NAV2: variants seen among roughly 807,000 people sequenced by gnomAD.
The protein encoded by NAV2 is helicase, APC down-regulated 1.
In NAV2, 54 loss-of-function variants were observed where a neutral mutation model predicts 223.2. The ratio of observed to expected loss-of-function variants is 0.24; its 90% confidence interval spans 0.19 to 0.30. The LOEUF is 0.30. Ranked by LOEUF, NAV2 falls within the 10% of genes least tolerant of loss-of-function variation. The pLI is 1.00. For missense variants in NAV2, 2,806 were observed against 3,147.5 expected, an observed-to-expected ratio of 0.89 and a Z score of 2.60; for synonymous variants, 1,279 against 1,239.3, an observed-to-expected ratio of 1.03 and a Z score of -0.67.
At chr11:19,846,497 C>T (rs573303623) in intron 3 of NAV2, among the ~76,000 whole-genome samples, 2 of 152,150 alleles carry the variant, frequency 1.3e-5, no homozygotes, top group Non-Finnish European at 2.9e-5. Flanking sequence ...GGAAAAAATT[C>T]GAGGTCATCA....
At chr11:19,827,006 T>C (rs536134230) in intron 1 of NAV2, among the ~76,000 whole-genome samples, 62 of 152,104 alleles carry the variant, frequency 4.1e-4, no homozygotes, top group Non-Finnish European at 8.1e-4. Flanking sequence ...ATCTGCTATA[T>C]CACAGGCTGC....
At chr11:19,526,727 C>T (rs1213997160) in intron 1 of NAV2, among the ~76,000 whole-genome samples, 1 of 152,192 alleles carries the variant, frequency 6.6e-6, no homozygotes, top group Non-Finnish European at 1.5e-5. Flanking sequence ...GCTGATTGCA[C>T]TTGATCATGA....
At chr11:19,646,133 G>A (rs1046092685) in intron 1 of NAV2, among the ~76,000 whole-genome samples, 3 of 152,198 alleles carry the variant, frequency 2.0e-5, no homozygotes, top group African/African-American at 7.2e-5. Flanking sequence ...TTTGCAAATG[G>A]GGTTGAATGA....
At chr11:20,106,195 A>ATGTGTGTGTGTGTGTG (rs1592179575) in intron 35 of NAV2, among the ~76,000 whole-genome samples, 3 of 22,160 alleles carry the variant, frequency 1.4e-4, no homozygotes, top group Admixed American at 4.4e-4. Context: ...ATATATATAT[A>ATGTGTGTGTGTGTGTG]TATATATATA....
chr11:19,457,333 G>T (rs1209137671), intron 1 of NAV2, among the ~76,000 whole-genome samples: 1 of 152,208 alleles, frequency 6.6e-6, no homozygotes, highest in Non-Finnish European at 1.5e-5. Flanking sequence ...TCTCTAACAA[G>T]GTAGCTTGTA....
At chr11:19,586,445 G>A (rs1464281653) in intron 1 of NAV2, among the ~76,000 whole-genome samples, 2 of 152,200 alleles carry the variant, frequency 1.3e-5, no homozygotes, top group Non-Finnish European at 2.9e-5. Flanking sequence ...TTTGTAGGAG[G>A]AGAGGTGCTC....
chr11:20,103,169 C>T (rs1004874285), intron 32 of NAV2, 86 bp from the exon 33 acceptor site: 6 of 1,356,800 alleles, frequency 4.4e-6, no homozygotes, highest in Non-Finnish European at 6.1e-6. Context: ...CTCCACTGGC[C>T]TGGGTGAGGC....
intron 1 of NAV2, among the ~76,000 whole-genome samples, chr11:19,806,640 G>A (rs1046264057): frequency 3.3e-5 from 5 of 152,176 alleles, no homozygotes; most frequent in African/African-American, 9.7e-5. Context: ...TTATTTTAAA[G>A]TGGAGATTCA....
intron 1 of NAV2, among the ~76,000 whole-genome samples, chr11:19,544,210 T>C (rs1304757851): frequency 6.6e-6 from 1 of 152,166 alleles, no homozygotes; most frequent in Non-Finnish European, 1.5e-5. Context: ...CAAAACCGAG[T>C]GATTGAAGGA....
At chr11:19,578,230 G>A (rs2045622417) in intron 1 of NAV2, among the ~76,000 whole-genome samples, 1 of 152,232 alleles carries the variant, frequency 6.6e-6, no homozygotes, top group Non-Finnish European at 1.5e-5. Flanking sequence ...TTTACAAGCT[G>A]AGATTTTCAT....
At chr11:19,350,320 A>G (rs939243116), upstream of NAV2, among the ~76,000 whole-genome samples, 2 of 152,096 alleles carry the variant, frequency 1.3e-5, no homozygotes, top group African/African-American at 4.8e-5. Context: ...GACAGCTCAA[A>G]TCTGTACTTT....
At chr11:19,413,829 C>G (rs1156524619) in intron 1 of NAV2, among the ~76,000 whole-genome samples, 1 of 152,076 alleles carries the variant, frequency 6.6e-6, no homozygotes, top group Non-Finnish European at 1.5e-5. Flanking sequence ...CAAACTAAGC[C>G]TCACAAGCGA....
chr11:19,773,654 T>C (rs2055898650), intron 1 of NAV2, among the ~76,000 whole-genome samples: 1 of 152,110 alleles, frequency 6.6e-6, no homozygotes, highest in African/African-American at 2.4e-5. Context: ...AGGGGTTTGG[T>C]GGATGAGGAG....
At chr11:20,050,120 T>C (rs2057833375) in intron 16 of NAV2, among the ~76,000 whole-genome samples, 1 of 152,172 alleles carries the variant, frequency 6.6e-6, no homozygotes, top group African/African-American at 2.4e-5. Context: ...TTCATTCCCA[T>C]TTTGGGAAGG....
intron 1 of NAV2, among the ~76,000 whole-genome samples, chr11:19,377,556 T>G (rs1848682443): frequency 6.6e-6 from 1 of 152,230 alleles, no homozygotes; most frequent in Non-Finnish European, 1.5e-5. Context: ...CTGCAATTCT[T>G]ATTTCCATAT....
chr11:19,541,491 C>A (rs1223401773), intron 1 of NAV2, among the ~76,000 whole-genome samples: 5 of 152,194 alleles, frequency 3.3e-5, no homozygotes, highest in Non-Finnish European at 7.3e-5. Context: ...CGATGGTTGG[C>A]AAATGACAAC....
intron 8 of NAV2, among the ~76,000 whole-genome samples, chr11:19,942,973 A>G (rs528465358): frequency 1.3e-5 from 2 of 152,238 alleles, no homozygotes; most frequent in South Asian, 4.2e-4. Context: ...ACAGAGCAAG[A>G]CCCTGTCTCT....
intron 1 of NAV2, among the ~76,000 whole-genome samples, chr11:19,397,418 T>TGC (rs144750630): frequency 2.8e-4 from 40 of 145,296 alleles, no homozygotes; most frequent in Admixed American, 6.2e-4. Flanking sequence ...TGTGTGTGTG[T>TGC]GCGCGCATGT....
chr11:19,627,328 G>T lies in NAV2; in HGVS notation c.76-205156G>T, dbSNP rs909563871. On this transcript the variant is annotated intron_variant, in intron 1 of 37. Coordinates refer to the NAV2 transcript ENST00000360655. ...TGCTTGAACCCAGGAGGCAGAGATTGTGGTGAGCCAAGATCACACCACTGC... is the reference window on the plus strand; with the variant it reads ...TGCTTGAACCCAGGAGGCAGAGATTTTGGTGAGCCAAGATCACACCACTGC... Among the ~76,000 whole-genome samples, 16 of 152,170 alleles carry T rather than the reference G, an allele frequency of 1.1e-4. No homozygotes were observed. In the East Asian group the frequency reaches 3.1e-3, roughly 29 times the overall value.
Sources: allele counts gnomAD v4.1 joint callset (sites outside exome capture counted in the v4.1 genomes callset), GRCh38; gene constraint gnomAD v4.1.1; transcripts MANE v1.5; gene names NCBI Gene and HGNC (gene_info 2026-07-23, HGNC 2026-07-21).